Variants in PPP2R3C observed in about 807,000 individuals in gnomAD.
The protein encoded by PPP2R3C is serine/threonine-protein phosphatase 2A regulatory subunit B'' subunit gamma.
In PPP2R3C, 47 loss-of-function variants were observed where a neutral mutation model predicts 63.7. That is an observed-to-expected ratio of 0.74 (90% CI 0.58 to 0.94). The LOEUF is 0.94. PPP2R3C is among the 40% of genes least tolerant of loss of function. The probability of loss-of-function intolerance (pLI) is 0.00; values close to 1 mark genes in which losing one functional copy is unlikely to be tolerated. For synonymous variants in PPP2R3C, 180 were observed against 177.4 expected (o/e 1.01, Z -0.12); for missense variants, 421 against 518.4 (o/e 0.81, Z 1.82).
At chr14:35,089,692 G>T (rs1385457742) in intron 11 of PPP2R3C, among the ~76,000 whole-genome samples, 1 of 151,560 alleles carries the variant, frequency 6.6e-6, no homozygotes, top group African/African-American at 2.4e-5. Flanking sequence ...TTGAGACTCA[G>T]TCTCGCTCTG....
chr14:35,107,868 T>G (rs2046411638), intron 5 of PPP2R3C: 1 of 431,886 alleles, frequency 2.3e-6, no homozygotes, highest in Non-Finnish European at 4.0e-6. Context: ...ATCAGTAAAT[T>G]AAAATTATTT....
intron 2 of PPP2R3C, among the ~76,000 whole-genome samples, chr14:35,113,359 G>A (rs72664819): frequency 0.11 from 16,034 of 152,094 alleles, 1,065 homozygotes; most frequent in African/African-American, 0.19. Flanking sequence ...GCAGACAGGA[G>A]ACCATCTAAG....
chr14:35,085,779 C>T lies in PPP2R3C; in HGVS notation c.1174-1G>A, dbSNP rs1176141241. The T allele has an allele frequency of 3.1e-6, 5 of 1,588,780 alleles. No homozygotes were observed. Among genetic ancestry groups the T allele is most frequent in the Non-Finnish European group, 4.3e-6 (5 of 1,167,402 alleles). On this transcript the variant is annotated splice_acceptor_variant, in intron 12 of 12. Transcript: ENST00000261475. LOFTEE classifies it high-confidence loss of function. ...GTTTTACCATGTCAAAGATTTCATC[C>T]TGCAAGAGAAAAAAAAATACAATGA...
intron 4 of PPP2R3C, 140 bp from the exon 5 acceptor site, chr14:35,108,376 A>G: frequency 8.5e-7 from 1 of 1,175,868 alleles, no homozygotes; most frequent in South Asian, 2.1e-5. Flanking sequence ...CAAAAACTTA[A>G]AATATTAAGT....
intron 2 of PPP2R3C, among the ~76,000 whole-genome samples, chr14:35,111,595 A>T (rs1353918877): frequency 2.0e-5 from 3 of 152,240 alleles, no homozygotes; most frequent in African/African-American, 4.8e-5. Flanking sequence ...AGCAGTTATT[A>T]TTCCAGAGGG....
At chr14:35,102,077 AGTGCAGTG>A (rs1229839263) in intron 6 of PPP2R3C, 3 of 138,128 alleles carry the variant, frequency 2.2e-5, no homozygotes, top group African/African-American at 8.3e-5. Flanking sequence ...TCCAGGCTGG[AGTGCAGTG>A]GCGCAATCTC....
At chr14:35,090,968 G>T (rs1257329101) in intron 11 of PPP2R3C, 102 bp downstream of exon 11, 5 of 1,097,096 alleles carry the variant, frequency 4.6e-6, no homozygotes, top group African/African-American at 1.6e-5. Context: ...ACCTGCCTCG[G>T]CCTCCCAAAG....
intron 3 of PPP2R3C, 56 bp from the exon 4 acceptor site, chr14:35,109,987 T>C (rs1342808250): frequency 1.5e-6 from 2 of 1,318,496 alleles, no homozygotes; most frequent in Admixed American, 2.0e-5. Context: ...AAGATTTTAA[T>C]ATGTAGTTAA....
Position 35,085,503 on chromosome 14 carries a change from T to G in PPP2R3C, c.*87A>C, listed in dbSNP as rs561464162. 8.0e-7 allele frequency: 1 copy of G among 1,248,196 alleles called. No homozygotes were observed. The highest frequency in any genetic ancestry group is 1.5e-5 in the African/African-American group (1 of 65,446). The allele number at this position is 1,248,196 out of a possible 1,614,324, so 77.3% of individuals were successfully genotyped here. On this transcript the variant is annotated 3_prime_UTR_variant, in exon 13 of 13. Transcript: ENST00000261475. ...CTCTAGGCATATCAAGTGTTTTATTTAGACCATTTCTGAGGATTTTGCTTT... is the reference window on the plus strand; with the variant it reads ...CTCTAGGCATATCAAGTGTTTTATTGAGACCATTTCTGAGGATTTTGCTTT...
intron 10 of PPP2R3C, among the ~76,000 whole-genome samples, chr14:35,092,927 G>T (rs2045870522): frequency 6.6e-6 from 1 of 152,118 alleles, no homozygotes; most frequent in Non-Finnish European, 1.5e-5. Context: ...AAGACATGAA[G>T]AGAACAGAAA....
At chr14:35,122,157 G>A (rs1291742605), upstream of PPP2R3C, 1 of 582,996 alleles carries the variant, frequency 1.7e-6, no homozygotes, top group African/African-American at 1.9e-5. Context: ...CTACCACGCT[G>A]ACTGGGGGAA....
intron 1 of PPP2R3C, among the ~76,000 whole-genome samples, chr14:35,121,429 C>G (rs1566433153): frequency 6.6e-6 from 1 of 152,120 alleles, no homozygotes; most frequent in Non-Finnish European, 1.5e-5. Flanking sequence ...TTTCTCCAGC[C>G]ACTTTCAACA....
intron 6 of PPP2R3C, 70 bp downstream of exon 6, chr14:35,107,234 C>A: frequency 2.6e-6 from 3 of 1,154,862 alleles, no homozygotes; most frequent in African/African-American, 1.5e-5. Flanking sequence ...TCCCAACACC[C>A]AGTGATAACT....
intron 10 of PPP2R3C, among the ~76,000 whole-genome samples, chr14:35,092,353 AACT>A (rs1224035696): frequency 6.6e-6 from 1 of 152,066 alleles, no homozygotes; most frequent in East Asian, 1.9e-4. Context: ...TAGAGGGATG[AACT>A]ACTGCATCCT....
At chr14:35,105,070 G>T (rs2046306066) in intron 6 of PPP2R3C, among the ~76,000 whole-genome samples, 2 of 151,524 alleles carry the variant, frequency 1.3e-5, no homozygotes, top group Non-Finnish European at 2.9e-5. Flanking sequence ...AAGCGGGGGG[G>T]TGGAATTCTT....
intron 2 of PPP2R3C, among the ~76,000 whole-genome samples, chr14:35,115,841 C>T (rs530363298): frequency 1.6e-4 from 24 of 152,150 alleles, no homozygotes; most frequent in East Asian, 7.8e-4. Flanking sequence ...AGGCTGGTCT[C>T]GAACTCCTGA....
chr14:35,088,045 A>G, intron 11 of PPP2R3C, 35 bp from the exon 12 acceptor site: 5 of 1,455,358 alleles, frequency 3.4e-6, no homozygotes, highest in Non-Finnish European at 4.8e-6. Flanking sequence ...TAAATAAAAA[A>G]TGAAATACAC....
chr14:35,098,801 G>A (rs1048738917), intron 7 of PPP2R3C: 1 of 154,226 alleles, frequency 6.5e-6, no homozygotes. Flanking sequence ...TTACCAATCC[G>A]ATCCTTATAG....
At chr14:35,102,027 CTCTTTTTTTT>C (rs1210286889) in intron 6 of PPP2R3C, 1 of 92,642 alleles carries the variant, frequency 1.1e-5, no homozygotes, top group Non-Finnish European at 2.2e-5. Context: ...GTTTCTCTCT[CTCTTTTTTTT>C]TTTTTTTTTG....
Sources: gnomAD v4.1 joint callset for allele counts (sites outside exome capture counted in the v4.1 genomes callset) on GRCh38, gnomAD v4.1.1 for gene constraint, MANE v1.5 for transcripts, NCBI Gene and HGNC (gene_info 2026-07-23, HGNC 2026-07-21) for gene names.